Variants in PDE3A observed in about 807,000 individuals in gnomAD.
The protein encoded by PDE3A is phosphodiesterase 3A.
In PDE3A, 43 loss-of-function variants were observed where a neutral mutation model predicts 98.3. The observed-to-expected ratio is 0.44, with a 90% CI of 0.34 to 0.56. The LOEUF (loss-of-function observed/expected upper bound fraction) is 0.56, where lower values mean the gene tolerates loss of function less well. PDE3A is among the 20% of genes least tolerant of loss of function. PDE3A has a pLI of 0.01. For synonymous variants in PDE3A, 663 were observed against 567.9 expected (o/e 1.17, Z -2.38); for missense variants, 1,427 against 1,440.7 (o/e 0.99, Z 0.15).
At chr12:20,471,334 G>A (rs2120967563) in intron 1 of PDE3A, among the ~76,000 whole-genome samples, 1 of 152,178 alleles carries the variant, frequency 6.6e-6, no homozygotes, top group South Asian at 2.1e-4. Flanking sequence ...TTGATTGAGA[G>A]GCCCCATCCG....
At chr12:20,636,428 C>CT (rs1565458051) in intron 8 of PDE3A, among the ~76,000 whole-genome samples, 1 of 152,102 alleles carries the variant, frequency 6.6e-6, no homozygotes, top group East Asian at 1.9e-4. Flanking sequence ...TCTCTTTCTT[C>CT]TTTTTTGGCA....
At chr12:20,471,650 T>G (rs1945442104) in intron 1 of PDE3A, among the ~76,000 whole-genome samples, 1 of 152,198 alleles carries the variant, frequency 6.6e-6, no homozygotes, top group Non-Finnish European at 1.5e-5. Context: ...AATCTCAGAA[T>G]GAGGACTGTA....
intron 1 of PDE3A, among the ~76,000 whole-genome samples, chr12:20,387,679 A>G (rs1037914558): frequency 6.6e-6 from 1 of 152,024 alleles, no homozygotes; most frequent in Non-Finnish European, 1.5e-5. Context: ...GGTGCTATAT[A>G]AATATTTAAA....
At chr12:20,662,242 T>C (rs536287141) in intron 15 of PDE3A, among the ~76,000 whole-genome samples, 1 of 152,330 alleles carries the variant, frequency 6.6e-6, no homozygotes, top group Non-Finnish European at 1.5e-5. Flanking sequence ...AGTTTGGAAC[T>C]TCTAGAGACT....
At chr12:20,525,953 A>G (rs999313667) in intron 1 of PDE3A, among the ~76,000 whole-genome samples, 19 of 152,224 alleles carry the variant, frequency 1.2e-4, no homozygotes, top group Non-Finnish European at 2.4e-4. Context: ...AATAAGAGTG[A>G]AAAACAATAA....
chr12:20,562,982 T>A (rs545052009), intron 2 of PDE3A, among the ~76,000 whole-genome samples: 2 of 152,330 alleles, frequency 1.3e-5, no homozygotes, highest in East Asian at 3.9e-4. Flanking sequence ...AAATGACCCA[T>A]GGCCTATTTT....
At chr12:20,652,226 C>G (rs1944935271) in intron 14 of PDE3A, among the ~76,000 whole-genome samples, 1 of 152,176 alleles carries the variant, frequency 6.6e-6, no homozygotes, top group Non-Finnish European at 1.5e-5. Context: ...CCTCAATAAA[C>G]ATACATGTGC....
rs144454577 is a variant in PDE3A, at chr12:20,412,708, C to T, written c.960+42464C>T. On this transcript the variant is annotated intron_variant, in intron 1 of 15. Coordinates refer to ENST00000359062, the MANE Select transcript of PDE3A (RefSeq NM_000921.5). ...TTTTTCGTTTGTTTCTTTTGAACTA[C>T]TCCGTTTTCCTTAACTCTCCTTATC... 3.3e-5 allele frequency among the ~76,000 whole-genome samples: 5 copies of T among 152,246 alleles called. No homozygotes were observed. The East Asian group carries it at 9.6e-4, about 29-fold the overall frequency.
chr12:20,373,125 C>A (rs1943507869), intron 1 of PDE3A, among the ~76,000 whole-genome samples: 1 of 151,994 alleles, frequency 6.6e-6, no homozygotes, highest in Non-Finnish European at 1.5e-5. Context: ...CAGGAAAAAA[C>A]AAAGTTTATA....
intron 13 of PDE3A, 105 bp downstream of exon 13, chr12:20,648,996 G>C (rs983759258): frequency 8.8e-6 from 6 of 679,546 alleles, no homozygotes; most frequent in African/African-American, 1.9e-5. Flanking sequence ...CACGATCTTG[G>C]CTCACTGCAG....
At chr12:20,596,413 T>A (rs1943467371) in intron 2 of PDE3A, among the ~76,000 whole-genome samples, 1 of 152,180 alleles carries the variant, frequency 6.6e-6, no homozygotes, top group South Asian at 2.1e-4. Flanking sequence ...GATCCTAGGA[T>A]AATCATATTT....
intron 15 of PDE3A, among the ~76,000 whole-genome samples, chr12:20,655,951 A>G (rs1945034359): frequency 1.3e-5 from 2 of 152,206 alleles, no homozygotes; most frequent in Non-Finnish European, 2.9e-5. Context: ...GGAGTGCATC[A>G]TGTGGCCAAT....
chr12:20,640,858 CATAAT>C (rs1330342871), intron 10 of PDE3A, among the ~76,000 whole-genome samples: 7 of 151,968 alleles, frequency 4.6e-5, no homozygotes, highest in Admixed American at 3.3e-4. Context: ...AATAATCAAA[CATAAT>C]ATATTGATCG....
chr12:20,398,392 T>C (rs1042114028), intron 1 of PDE3A, among the ~76,000 whole-genome samples: 1 of 151,814 alleles, frequency 6.6e-6, no homozygotes, highest in East Asian at 1.9e-4. Flanking sequence ...CTCTGTGTCA[T>C]CAATTAATTC....
chr12:20,673,967 C>G (rs1237579080), intron 15 of PDE3A, among the ~76,000 whole-genome samples: 4 of 152,094 alleles, frequency 2.6e-5, no homozygotes, highest in African/African-American at 7.2e-5. Context: ...CATGGGATGT[C>G]TTTGCATTCG....
rs542579096 is a variant in PDE3A, at chr12:20,464,531, G to A, written c.961-92129G>A. Among the ~76,000 whole-genome samples the A allele has an allele frequency of 8.6e-5, 13 of 152,006 alleles. No homozygotes were observed. In the East Asian group the frequency reaches 2.5e-3, roughly 29 times the overall value. On this transcript the variant is annotated intron_variant, in intron 1 of 15. Transcript: ENST00000359062. Reference sequence around the variant, plus strand: ...CAGTATGATGACTGTCCTTCTGTAGGCCCAAGAAATATACTCTATATAAGT... The same window carrying A: ...CAGTATGATGACTGTCCTTCTGTAGACCCAAGAAATATACTCTATATAAGT...
intron 1 of PDE3A, among the ~76,000 whole-genome samples, chr12:20,434,485 T>G (rs1591928112): frequency 6.6e-6 from 1 of 152,160 alleles, no homozygotes; most frequent in African/African-American, 2.4e-5. Context: ...TTTTAGTAAC[T>G]CCTAGACCTG....
At chr12:20,560,769 G>GA (rs1371324700) in intron 2 of PDE3A, among the ~76,000 whole-genome samples, 5 of 152,118 alleles carry the variant, frequency 3.3e-5, no homozygotes, top group Non-Finnish European at 2.9e-5. Flanking sequence ...CAGGACTGAG[G>GA]AAATGGTGCG....
In PDE3A at chr12:20,669,708, A is replaced by G. The variant is rs12811285; in HGVS notation, c.3185-10322A>G. Among the ~76,000 whole-genome samples the G allele has an allele frequency of 8.3e-3, 1,258 of 152,312 alleles. 7 individuals carry two copies. Among genetic ancestry groups the G allele is most frequent in the Non-Finnish European group, 0.014 (953 of 68,032 alleles). On this transcript the variant is annotated intron_variant, in intron 15 of 15. Coordinates refer to ENST00000359062, the MANE Select transcript of PDE3A (RefSeq NM_000921.5). Reference sequence around the variant, plus strand: ...AGAGCTCCTGAAGGAAGCACTAAACATGGAAAGGAACAACCAGTACCAGCT... The same window carrying G: ...AGAGCTCCTGAAGGAAGCACTAAACGTGGAAAGGAACAACCAGTACCAGCT...
Sources: gnomAD v4.1 joint callset for allele counts (sites outside exome capture counted in the v4.1 genomes callset) on GRCh38, gnomAD v4.1.1 for gene constraint, MANE v1.5 for transcripts, NCBI Gene and HGNC (gene_info 2026-07-23, HGNC 2026-07-21) for gene names.